Variants in SS18L1 observed in about 807,000 individuals in gnomAD.
SS18L1 encodes the protein SS18L1 subunit of BAF chromatin remodeling complex, also known as calcium-responsive transactivator.
SS18L1 carries 32 observed loss-of-function variants against 70.3 expected under a neutral mutation model. The observed-to-expected ratio is 0.46, with a 90% CI of 0.34 to 0.61. The LOEUF is 0.61. Ranked by LOEUF, SS18L1 falls within the 20% of genes least tolerant of loss-of-function variation. The pLI is 0.01. For synonymous variants in SS18L1, 237 were observed against 229.7 expected (o/e 1.03, Z -0.29); for missense variants, 430 against 542.1 (o/e 0.79, Z 2.05).
intron 1 of SS18L1, among the ~76,000 whole-genome samples, chr20:62,144,765 A>G (rs1007836094): frequency 7.2e-5 from 11 of 152,280 alleles, no homozygotes; most frequent in East Asian, 1.9e-4. Flanking sequence ...TAGAAGACAG[A>G]TTCGGAAGAA....
intron 7 of SS18L1, 132 bp from the exon 8 acceptor site, chr20:62,165,290 A>C (rs761561157): frequency 2.5e-6 from 2 of 815,808 alleles, no homozygotes; most frequent in Non-Finnish European, 3.9e-6. Context: ...GGTTTTGGGG[A>C]ACACGGGTCC....
intron 10 of SS18L1, among the ~76,000 whole-genome samples, chr20:62,178,384 C>T (rs2057658174): frequency 6.6e-6 from 1 of 151,718 alleles, no homozygotes; most frequent in African/African-American, 2.4e-5. Context: ...AACTCCTGAC[C>T]TCAAATGATC....
intron 1 of SS18L1, among the ~76,000 whole-genome samples, chr20:62,146,373 A>G (rs145896870): frequency 3.9e-5 from 6 of 152,322 alleles, no homozygotes; most frequent in African/African-American, 1.2e-4. Context: ...TGGTCCCATC[A>G]GTGGAAGCGT....
chr20:62,161,946 T>A lies in SS18L1; in HGVS notation c.376+366T>A, dbSNP rs2057338231. ...ATTAACAGTAATATAACAGGCCGGG[T>A]GTGGTGGCTCAGATCTCTAATCCCA... On this transcript the variant is annotated intron_variant, in intron 4 of 10. Coordinates refer to ENST00000331758, the MANE Select transcript of SS18L1 (RefSeq NM_198935.3). This position sits in a 1 kb window ranked among gnomAD's most constrained non-coding sequence, Gnocchi z 4.4. Among the ~76,000 whole-genome samples, 1 of 152,104 alleles carries A rather than the reference T, an allele frequency of 6.6e-6. No individual in the cohort carries two copies. Among genetic ancestry groups the A allele is most frequent in the South Asian group, 2.1e-4 (1 of 4,826 alleles).
intron 7 of SS18L1, among the ~76,000 whole-genome samples, chr20:62,164,935 G>A (rs1568754719): frequency 6.6e-6 from 1 of 152,222 alleles, no homozygotes; most frequent in South Asian, 2.1e-4. Flanking sequence ...TGGTCTTAAA[G>A]GCTGGATTGA....
intron 1 of SS18L1, among the ~76,000 whole-genome samples, chr20:62,156,043 G>A (rs2057216130): frequency 1.5e-5 from 2 of 135,090 alleles, no homozygotes; most frequent in Non-Finnish European, 3.2e-5. Flanking sequence ...ACCCACACCA[G>A]TACTGTGTTT....
In SS18L1 at chr20:62,181,391, C is replaced by T. The variant is rs929117349; in HGVS notation, c.*2183C>T. The stretch of plus-strand genomic sequence containing the variant: ...AAACTCAATCGGGGACTAAAATTTC[C>T]CACTGAAAATGTTAAACATTTTAGA... On this transcript the variant is annotated 3_prime_UTR_variant, in exon 11 of 11. Coordinates refer to ENST00000331758, the MANE Select transcript of SS18L1 (RefSeq NM_198935.3). 1 of 206,420 alleles carries T rather than the reference C, an allele frequency of 4.8e-6. No homozygotes were observed. The highest frequency in any genetic ancestry group is 2.3e-5 in the African/African-American group (1 of 43,756). 12.8% of individuals were successfully genotyped at this position (206,420 alleles called of 1,614,324 possible).
chr20:62,153,094 G>T (rs1041778048), intron 1 of SS18L1, among the ~76,000 whole-genome samples: 1 of 152,186 alleles, frequency 6.6e-6, no homozygotes, highest in African/African-American at 2.4e-5. Flanking sequence ...AATCATGGCG[G>T]AAGGGGAAGC....
intron 8 of SS18L1, among the ~76,000 whole-genome samples, chr20:62,171,713 G>A (rs1398403457): frequency 6.6e-6 from 1 of 152,212 alleles, no homozygotes; most frequent in African/African-American, 2.4e-5. Context: ...AACCAGAAAA[G>A]TAAAGTAGAA....
chr20:62,152,842 C>A (rs1407958), intron 1 of SS18L1, among the ~76,000 whole-genome samples: 1 of 151,746 alleles, frequency 6.6e-6, no homozygotes, highest in South Asian at 2.1e-4. Flanking sequence ...GAATCGACAA[C>A]CTCCAGAGTG....
rs368299137 is a variant in SS18L1 at position 62,174,689 on chromosome 20, G to T, written c.1164+45G>T. ...CCAGATGTGCCCATCCGCCGCGCCTGTCGAGACATAATGAAGATTTCTCTT... is the reference window on the plus strand; with the variant it reads ...CCAGATGTGCCCATCCGCCGCGCCTTTCGAGACATAATGAAGATTTCTCTT... On this transcript the variant is annotated intron_variant, in intron 10 of 10. Transcript: ENST00000331758. This position sits in a 1 kb window ranked among gnomAD's most constrained non-coding sequence, Gnocchi z 4.1. The T allele has an allele frequency of 4.3e-6, 7 of 1,612,764 alleles. No individual in the cohort carries two copies. Among genetic ancestry groups the T allele is most frequent in the South Asian group, 1.1e-5 (1 of 90,960 alleles).
intron 1 of SS18L1, chr20:62,154,324 G>A: frequency 9.6e-7 from 1 of 1,046,122 alleles, no homozygotes; most frequent in Non-Finnish European, 1.2e-6. Context: ...CTTGGTTTGG[G>A]TACAAGGTGC....
Position 62,159,858 on chromosome 20 carries a change from C to G in SS18L1, c.147-19C>G, listed in dbSNP as rs56404343. ...TGTGGTCCCGTCGTCCTGCCTCATG[C>G]GTGCCCCCTCTCCTGCAGGTACCAG... On this transcript the variant is annotated intron_variant, in intron 2 of 10. Coordinates refer to ENST00000331758, the MANE Select transcript of SS18L1 (RefSeq NM_198935.3). This position sits in a 1 kb window ranked among gnomAD's most constrained non-coding sequence, Gnocchi z 4.4. The G allele has an allele frequency of 0.039, 62,109 of 1,609,934 alleles. 1,397 individuals are homozygous for G. The highest frequency in any genetic ancestry group is 0.066 in the Middle Eastern group (395 of 6,016).
chr20:62,150,688 C>T (rs998999609), intron 1 of SS18L1, among the ~76,000 whole-genome samples: 17 of 104,474 alleles, frequency 1.6e-4, no homozygotes, highest in African/African-American at 5.5e-4. Flanking sequence ...GAGTCTTGCT[C>T]TTTCGCCCAG....
chr20:62,157,364 A>AG (rs1181964267), intron 1 of SS18L1, among the ~76,000 whole-genome samples: 1 of 152,216 alleles, frequency 6.6e-6, no homozygotes, highest in Non-Finnish European at 1.5e-5. Context: ...CGCTTTGGGA[A>AG]GGAAACCTGG....
chr20:62,156,713 G>T (rs1390348704), intron 1 of SS18L1, among the ~76,000 whole-genome samples: 2 of 152,150 alleles, frequency 1.3e-5, no homozygotes, highest in African/African-American at 4.8e-5. Flanking sequence ...AGGTCAAATC[G>T]CAGTTAGAGG....
Position 62,159,971 on chromosome 20 carries a change from CA to C in SS18L1, c.231+11del, listed in dbSNP as rs1601014648. On this transcript the variant is annotated intron_variant, in intron 3 of 10. Coordinates refer to ENST00000331758, the MANE Select transcript of SS18L1 (RefSeq NM_198935.3). The surrounding 1 kb of genome is among the most constrained non-coding windows in gnomAD (Gnocchi z 4.4). ...GTCCCTGCTTCCTGCCGTGAGTACC[CA>C]CGGGGGGTTGGCCTCCTTTACCCAG... 2.5e-6 allele frequency: 4 copies of C among 1,609,168 alleles called. No individual in the cohort carries two copies. In the East Asian group the frequency reaches 9.0e-5, roughly 36 times the overall value.
chr20:62,157,216 C>T (rs775914715), intron 1 of SS18L1, among the ~76,000 whole-genome samples: 10 of 152,192 alleles, frequency 6.6e-5, no homozygotes, highest in African/African-American at 9.6e-5. Context: ...CTGCTGCCAC[C>T]CACCCCTCCC....
rs1012115056 is a variant in SS18L1, at chr20:62,179,859, A to C, written c.*651A>C. 1 of 226,510 alleles carries C rather than the reference A, an allele frequency of 4.4e-6. No homozygotes were observed. The highest frequency in any genetic ancestry group is 8.8e-6 in the Non-Finnish European group (1 of 113,840). 14.0% of individuals were successfully genotyped at this position (226,510 alleles called of 1,614,324 possible). ...GTCTCTCGCCAATTCCGTTTATCCAAAAAGGTACATGTTTTTGTATTAAAA... is the reference window on the plus strand; with the variant it reads ...GTCTCTCGCCAATTCCGTTTATCCACAAAGGTACATGTTTTTGTATTAAAA... On this transcript the variant is annotated 3_prime_UTR_variant, in exon 11 of 11. Transcript: ENST00000331758.
Sources: allele counts gnomAD v4.1 joint callset (sites outside exome capture counted in the v4.1 genomes callset), GRCh38; gene constraint gnomAD v4.1.1; non-coding constraint Gnocchi (gnomAD v3.1); transcripts MANE v1.5; gene names NCBI Gene and HGNC (gene_info 2026-07-23, HGNC 2026-07-21).